The following ADAM20 variants were observed in gnomAD, a reference collection of about 807,000 sequenced individuals.
ADAM20 encodes the protein ADAM metallopeptidase domain 20, also known as disintegrin and metalloproteinase domain-containing protein 20.
For synonymous variants in ADAM20, 305 were observed against 310.2 expected, an observed-to-expected ratio of 0.98 and a Z score of 0.18; for missense variants, 871 against 883.2, an observed-to-expected ratio of 0.99 and a Z score of 0.18.
Position 70,523,534 on chromosome 14 carries a change from C to T in ADAM20, c.1224G>A (p.Lys408=), listed in dbSNP as rs1259302261. 6.2e-7 allele frequency: 1 copy of T among 1,614,102 alleles called. No homozygotes were observed. The highest frequency in any genetic ancestry group is 8.5e-7 in the Non-Finnish European group (1 of 1,179,970). The change falls in exon 2 of 2, where the codon AAG becomes AAA. Residue 408 remains lysine, a synonymous_variant. Coordinates refer to ENST00000256389, the MANE Select transcript of ADAM20 (RefSeq NM_003814.5). ...PPYPGNIFRL[K]YCGNLVVEEG... is the part of the protein sequence containing the mutation. ...CTTCAACCACTAGATTCCCACAGTA[C>T]TTCAGTCTAAATATATTCCCTGGAT... is the stretch of plus-strand genomic sequence containing the variant.
At chr14:70,530,501 C>T (rs147839343) in intron 1 of ADAM20, among the ~76,000 whole-genome samples, 2 of 152,142 alleles carry the variant, frequency 1.3e-5, no homozygotes, top group Admixed American at 1.3e-4. Flanking sequence ...ATGTACTACA[C>T]ATAATTGCAT....
chr14:70,525,701 T>C (rs951690124), intron 1 of ADAM20, among the ~76,000 whole-genome samples: 1 of 152,158 alleles, frequency 6.6e-6, no homozygotes, highest in African/African-American at 2.4e-5. Context: ...ATTTTATGTA[T>C]ACCTAATTGT....
upstream of ADAM20, among the ~76,000 whole-genome samples, chr14:70,538,138 G>A (rs1254104885): frequency 4.0e-5 from 6 of 151,846 alleles, no homozygotes; most frequent in African/African-American, 1.5e-4. Context: ...CTCTGCCCCG[G>A]TGTCCCGCCC....
chr14:70,537,051 A>T (rs1049102452), upstream of ADAM20, among the ~76,000 whole-genome samples: 1 of 151,196 alleles, frequency 6.6e-6, no homozygotes, highest in African/African-American at 2.4e-5. Flanking sequence ...CTCTTTCTTT[A>T]CTTCTTACAT....
chr14:70,570,555 T>G, the ADAM20 span, among the ~76,000 whole-genome samples: 1 of 151,858 alleles, frequency 6.6e-6, no homozygotes, highest in Non-Finnish European at 1.5e-5. Flanking sequence ...AAACACAACC[T>G]CCAAAGATTG....
upstream of ADAM20, among the ~76,000 whole-genome samples, chr14:70,538,596 T>C (rs1247248491): frequency 1.3e-5 from 2 of 152,200 alleles, no homozygotes; most frequent in Non-Finnish European, 2.9e-5. Context: ...TCTTGGTGCA[T>C]GTATGAAGAA....
the ADAM20 span, among the ~76,000 whole-genome samples, chr14:70,557,742 T>A: frequency 6.8e-6 from 1 of 146,086 alleles, no homozygotes; most frequent in Non-Finnish European, 1.5e-5. Flanking sequence ...TCATAAACTT[T>A]CTTAAAACAT....
chr14:70,579,069 T>A, the ADAM20 span, among the ~76,000 whole-genome samples: 60 of 152,280 alleles, frequency 3.9e-4, no homozygotes, highest in African/African-American at 1.3e-3. Context: ...GGTACATTTT[T>A]AAAATCCAAT....
Position 70,522,762 on chromosome 14 carries a change from T to C in ADAM20, c.1996A>G (p.Lys666Glu), listed in dbSNP as rs368238335. The stretch of plus-strand genomic sequence containing the variant: ...CTATCAGCACTACCTCCATAGCCTT[T>C]GTCCTTGCAGTATGGGGGTGCCCAT... ...HEWAPPYCKD[K>E]GYGGSADSGP... The change falls in exon 2 of 2, where the codon AAA (lysine) becomes GAA (glutamate). Residue 666 changes from lysine (K) to glutamate (E), a missense_variant. Transcript: ENST00000256389. 3.6e-5 allele frequency: 58 copies of C among 1,613,974 alleles called. No homozygotes were observed. The African/African-American group carries it at 6.1e-4, about 17-fold the overall frequency.
chr14:70,555,056 A>T, the ADAM20 span, among the ~76,000 whole-genome samples: 1 of 152,204 alleles, frequency 6.6e-6, no homozygotes, highest in African/African-American at 2.4e-5. Flanking sequence ...TTTACGGTGT[A>T]CGCCCGATGG....
the ADAM20 span, chr14:70,556,169 G>C: frequency 2.6e-5 from 4 of 152,352 alleles, no homozygotes; most frequent in Non-Finnish European, 5.9e-5. Flanking sequence ...TGCCAGCGGC[G>C]CACAAACCAG....
chr14:70,536,061 T>C (rs1427097180), upstream of ADAM20, among the ~76,000 whole-genome samples: 1 of 152,172 alleles, frequency 6.6e-6, no homozygotes, highest in African/African-American at 2.4e-5. Context: ...AATGTACACA[T>C]GTAAAAACAT....
chr14:70,544,079 A>C, the ADAM20 span, among the ~76,000 whole-genome samples: 1 of 151,728 alleles, frequency 6.6e-6, no homozygotes, highest in South Asian at 2.1e-4. Context: ...CCAGCTGGAG[A>C]GATGTCAGCC....
intron 1 of ADAM20, among the ~76,000 whole-genome samples, chr14:70,531,156 G>A (rs980547344): frequency 6.6e-6 from 1 of 151,994 alleles, no homozygotes; most frequent in African/African-American, 2.4e-5. Context: ...TAATGACTTA[G>A]AAATAAAAAG....
At chr14:70,563,887 A>C in the ADAM20 span, among the ~76,000 whole-genome samples, 1 of 152,192 alleles carries the variant, frequency 6.6e-6, no homozygotes, top group African/African-American at 2.4e-5. Context: ...TCAATTACCT[A>C]ATTTCAGGTA....
chr14:70,545,513 A>G, the ADAM20 span, among the ~76,000 whole-genome samples: 1 of 152,074 alleles, frequency 6.6e-6, no homozygotes, highest in Non-Finnish European at 1.5e-5. Context: ...ACTAAAAATA[A>G]AGGGATGGGA....
chr14:70,561,662 A>T, the ADAM20 span, among the ~76,000 whole-genome samples: 1 of 152,240 alleles, frequency 6.6e-6, no homozygotes, highest in Non-Finnish European at 1.5e-5. Context: ...CAGCCTTGGG[A>T]CGTGGGAATG....
chr14:70,575,981 T>C, the ADAM20 span, among the ~76,000 whole-genome samples: 2 of 152,084 alleles, frequency 1.3e-5, no homozygotes, highest in Non-Finnish European at 2.9e-5. Context: ...TTAAGGAAAA[T>C]ACAACAGACT....
chr14:70,546,833 TGAA>T, the ADAM20 span, among the ~76,000 whole-genome samples: 1 of 151,454 alleles, frequency 6.6e-6, no homozygotes, highest in South Asian at 2.1e-4. Flanking sequence ...GAAATTGAAA[TGAA>T]GAAAATACAA....
Sources: gnomAD v4.1 joint callset for allele counts (sites outside exome capture counted in the v4.1 genomes callset) on GRCh38, gnomAD v4.1.1 for gene constraint, MANE v1.5 for transcripts, NCBI Gene and HGNC (gene_info 2026-07-23, HGNC 2026-07-21) for gene names.